Variants in POU2F1 observed in about 807,000 individuals in gnomAD.
POU2F1 encodes the protein POU class 2 homeobox 1.
Under a neutral mutation model 84.9 loss-of-function variants are expected in POU2F1, and 16 were observed. The observed-to-expected ratio is 0.19, with a 90% CI of 0.13 to 0.29. The LOEUF is 0.29. POU2F1 is among the 10% of genes least tolerant of loss of function. The pLI, the probability that POU2F1 is intolerant of heterozygous loss-of-function variation, is 1.00. For missense variants in POU2F1, 738 were observed against 942.6 expected (o/e 0.78, Z 2.84); for synonymous variants, 368 against 368.3 (o/e 1.00, Z 0.01).
At position 167,292,330 on chromosome 1, in the gene POU2F1, T is replaced by G. The variant is rs187995868; in HGVS notation, c.62-40140T>G. On this transcript the variant is annotated intron_variant, in intron 1 of 15. Coordinates refer to ENST00000367866, the MANE Select transcript of POU2F1 (RefSeq NM_002697.4). ...TTAATAATAGAAAACCATTCCTCATTGCTTGGAATTTTTATCTGCACTTTC... is the reference window on the plus strand; with the variant it reads ...TTAATAATAGAAAACCATTCCTCATGGCTTGGAATTTTTATCTGCACTTTC... 7.9e-5 allele frequency among the ~76,000 whole-genome samples: 12 copies of G among 152,242 alleles called. No homozygotes were observed. The East Asian group carries it at 2.3e-3, about 29-fold the overall frequency.
chr1:167,360,391 C>T (rs1170906250), intron 2 of POU2F1, among the ~76,000 whole-genome samples: 4 of 152,048 alleles, frequency 2.6e-5, no homozygotes, highest in South Asian at 2.1e-4. Context: ...TGAGACGTAG[C>T]GGTCCAGTTT....
intron 9 of POU2F1, among the ~76,000 whole-genome samples, chr1:167,394,704 G>A (rs749108167): frequency 6.6e-6 from 1 of 152,160 alleles, no homozygotes; most frequent in Non-Finnish European, 1.5e-5. Context: ...ATATGGGAAG[G>A]CAGAGGATAT....
At chr1:167,339,228 C>G (rs1199950593) in intron 2 of POU2F1, among the ~76,000 whole-genome samples, 2 of 152,170 alleles carry the variant, frequency 1.3e-5, no homozygotes, top group Non-Finnish European at 2.9e-5. Flanking sequence ...CTCTAACTCT[C>G]CTGTCCCCAT....
intron 1 of POU2F1, among the ~76,000 whole-genome samples, chr1:167,327,746 G>A (rs1041804701): frequency 6.6e-6 from 1 of 152,058 alleles, no homozygotes; most frequent in Admixed American, 6.6e-5. Context: ...AATTCCCTAC[G>A]TGTTTAACTC....
intron 1 of POU2F1, among the ~76,000 whole-genome samples, chr1:167,224,877 G>A (rs774520413): frequency 6.9e-6 from 1 of 143,986 alleles, no homozygotes; most frequent in African/African-American, 2.6e-5. Flanking sequence ...CTCCCAGGCT[G>A]GAGTGCGTTG....
intron 1 of POU2F1, among the ~76,000 whole-genome samples, chr1:167,288,477 T>G (rs1345274443): frequency 6.6e-6 from 1 of 152,098 alleles, no homozygotes; most frequent in Non-Finnish European, 1.5e-5. Context: ...GTGTGTGAGC[T>G]CAGGAGTTCG....
intron 2 of POU2F1, among the ~76,000 whole-genome samples, chr1:167,359,990 A>C (rs549158000): frequency 6.6e-6 from 1 of 151,692 alleles, no homozygotes; most frequent in East Asian, 1.9e-4. Context: ...TCTTCTTTTG[A>C]GACGTGTCTG....
chr1:167,414,417 T>G, intron 15 of POU2F1: 1 of 985,452 alleles, frequency 1.0e-6, no homozygotes, highest in Non-Finnish European at 1.2e-6. Flanking sequence ...CTGTACTATT[T>G]GTATGAGCAA....
intron 1 of POU2F1, among the ~76,000 whole-genome samples, chr1:167,315,581 G>T (rs1655826844): frequency 1.3e-5 from 2 of 152,118 alleles, no homozygotes; most frequent in African/African-American, 4.8e-5. Context: ...TTCAAGACCA[G>T]CTTGAGCAAC....
intron 1 of POU2F1, among the ~76,000 whole-genome samples, chr1:167,311,147 CAG>C (rs1655440073): frequency 6.6e-6 from 1 of 151,964 alleles, no homozygotes; most frequent in African/African-American, 2.4e-5. Flanking sequence ...AAATTTCAAA[CAG>C]AAAAATTTCA....
intron 6 of POU2F1, among the ~76,000 whole-genome samples, chr1:167,375,453 T>A (rs1010636331): frequency 1.3e-5 from 2 of 152,182 alleles, no homozygotes; most frequent in Non-Finnish European, 2.9e-5. Context: ...AGTAGGCCAA[T>A]GTAAGGTGCT....
At position 167,424,656 on chromosome 1, in the gene POU2F1, C is replaced by T. The variant is rs1489763064; in HGVS notation, c.*8846C>T. On this transcript the variant is annotated 3_prime_UTR_variant, in exon 16 of 16. Coordinates refer to ENST00000367866, the MANE Select transcript of POU2F1 (RefSeq NM_002697.4). The stretch of plus-strand genomic sequence containing the variant: ...ATGGGACCTGTAGCCTAGGGTGGGA[C>T]CCCCTAAAGCCTCTGAATGTCGCTG... The T allele has an allele frequency of 6.6e-6, 1 of 152,238 alleles. No homozygotes were observed. The highest frequency in any genetic ancestry group is 1.5e-5 in the Non-Finnish European group (1 of 68,056). The allele number at this position is 152,238 out of a possible 1,614,324, so 9.4% of individuals were successfully genotyped here.
chr1:167,401,426 C>T (rs764120539), intron 12 of POU2F1, 25 bp from the exon 13 acceptor site: 34 of 1,519,296 alleles, frequency 2.2e-5, no homozygotes, highest in Non-Finnish European at 2.5e-5. Flanking sequence ...AGTGCTTTGT[C>T]CATGTTTTCA....
chr1:167,335,332 T>C (rs1409086592), intron 2 of POU2F1, among the ~76,000 whole-genome samples: 1 of 152,166 alleles, frequency 6.6e-6, no homozygotes, highest in Non-Finnish European at 1.5e-5. Context: ...AAAAGTGCCA[T>C]AGTGGTGTTA....
chr1:167,374,432 G>A lies in POU2F1; in HGVS notation c.591+136G>A, dbSNP rs143324641. 565 of 745,392 alleles carry A rather than the reference G, an allele frequency of 7.6e-4. 2 individuals carry two copies. The Middle Eastern group carries it at 0.018, about 24-fold the overall frequency. 46.2% of individuals were successfully genotyped at this position (745,392 alleles called of 1,614,324 possible). A position where few individuals can be genotyped will look rare whatever the true frequency, so the allele number is the denominator to read the frequency against. On this transcript the variant is annotated intron_variant, in intron 6 of 15. Transcript: ENST00000367866. ...GGAGCTCTAGATCAGTGAGGTAAGCGGTACCCTTCCTTACCACTGAATTAG... is the reference window on the plus strand; with the variant it reads ...GGAGCTCTAGATCAGTGAGGTAAGCAGTACCCTTCCTTACCACTGAATTAG...
chr1:167,355,233 A>C (rs1055984501), intron 2 of POU2F1, among the ~76,000 whole-genome samples: 2 of 149,884 alleles, frequency 1.3e-5, no homozygotes, highest in Non-Finnish European at 3.0e-5. Flanking sequence ...TTTTAAATAG[A>C]TACCCAGCTA....
At chr1:167,259,125 C>T (rs1651363617) in intron 1 of POU2F1, among the ~76,000 whole-genome samples, 1 of 152,208 alleles carries the variant, frequency 6.6e-6, no homozygotes, top group East Asian at 1.9e-4. Flanking sequence ...TCAGCAGAGA[C>T]AGCTTGTTTC....
At position 167,299,695 on chromosome 1, in the gene POU2F1, G is replaced by GTTTT. The variant is rs571000920; in HGVS notation, c.62-32766_62-32763dup. On this transcript the variant is annotated intron_variant, in intron 1 of 15. Transcript: ENST00000367866. ...AACAGACTCAATTCAGGAGACCAGA[G>GTTTT]TTTTTTTTTTTTCATTTTATTTTGC... Among the ~76,000 whole-genome samples the GTTTT allele has an allele frequency of 8.8e-4, 123 of 139,392 alleles. 1 individual carries two copies. Among genetic ancestry groups the GTTTT allele is most frequent in the African/African-American group, 3.2e-3 (113 of 35,656 alleles). The allele number at this position is 139,392 out of a possible 152,430, so 91.4% of individuals were successfully genotyped here. A position where few individuals can be genotyped will look rare whatever the true frequency, so the allele number is the denominator to read the frequency against.
intron 1 of POU2F1, among the ~76,000 whole-genome samples, chr1:167,280,853 GTGTTTATATGTT>G (rs1449251155): frequency 6.6e-6 from 1 of 152,176 alleles, no homozygotes; most frequent in Non-Finnish European, 1.5e-5. Context: ...CGTTTATTAA[GTGTTTATATGTT>G]TGTTACTATG....
Sources: gnomAD v4.1 joint callset for allele counts (sites outside exome capture counted in the v4.1 genomes callset) on GRCh38, gnomAD v4.1.1 for gene constraint, MANE v1.5 for transcripts, NCBI Gene and HGNC (gene_info 2026-07-23, HGNC 2026-07-21) for gene names.